Variants in DROSHA observed in about 807,000 individuals in gnomAD.
DROSHA encodes the protein drosha ribonuclease III, also known as ribonuclease 3.
In DROSHA, 56 loss-of-function variants were observed where a neutral mutation model predicts 181.9. The ratio of observed to expected loss-of-function variants is 0.31; its 90% CI spans 0.25 to 0.38. DROSHA has a LOEUF of 0.38. DROSHA is among the 10% of genes least tolerant of loss of function. DROSHA has a pLI of 1.00. For synonymous variants in DROSHA, 524 were observed against 591.2 expected, an observed-to-expected ratio of 0.89 and a Z score of 1.65; for missense variants, 1,218 against 1,743.5, an observed-to-expected ratio of 0.70 and a Z score of 5.37.
intron 14 of DROSHA, among the ~76,000 whole-genome samples, chr5:31,485,329 A>ACCCCCCCCCCCCCC (rs1751597426): frequency 1.3e-5 from 1 of 74,726 alleles, no homozygotes; most frequent in Admixed American, 1.3e-4. Context: ...CTTGTCCCCC[A>ACCCCCCCCCCCCCC]CCCCCGCCCC....
intron 10 of DROSHA, among the ~76,000 whole-genome samples, chr5:31,504,968 G>GA (rs1737734218): frequency 6.6e-6 from 1 of 152,150 alleles, no homozygotes; most frequent in African/African-American, 2.4e-5. Flanking sequence ...CAAGAAAAAT[G>GA]ACTCTTTCAC....
intron 20 of DROSHA, among the ~76,000 whole-genome samples, chr5:31,455,433 C>A (rs1747541959): frequency 6.6e-6 from 1 of 151,542 alleles, no homozygotes; most frequent in African/African-American, 2.4e-5. Context: ...ACGTGTAATA[C>A]AAGAAAAAGA....
At chr5:31,428,071 G>A (rs16901141) in intron 27 of DROSHA, among the ~76,000 whole-genome samples, 5,265 of 152,214 alleles carry the variant, frequency 0.035, 218 homozygotes, top group African/African-American at 0.1. Flanking sequence ...TGTATTAAAC[G>A]CTGCACATGC....
chr5:31,509,366 T>C (rs1362863354), intron 9 of DROSHA, among the ~76,000 whole-genome samples: 3 of 152,022 alleles, frequency 2.0e-5, no homozygotes, highest in African/African-American at 7.3e-5. Context: ...TGAAAAACCA[T>C]AGTAGTAGTA....
intron 11 of DROSHA, among the ~76,000 whole-genome samples, chr5:31,497,159 TGAG>T (rs1753083630): frequency 6.6e-6 from 1 of 152,184 alleles, no homozygotes; most frequent in South Asian, 2.1e-4. Context: ...AGCAGGCATC[TGAG>T]GGTAGAGCAC....
chr5:31,429,518 T>A lies in DROSHA; in HGVS notation c.3173A>T (p.Glu1058Val), dbSNP rs778714196. 30 of 1,612,218 alleles carry A rather than the reference T, an allele frequency of 1.9e-5. No individual in the cohort carries two copies. Among genetic ancestry groups the A allele is most frequent in the Non-Finnish European group, 2.5e-5 (29 of 1,178,946 alleles). ...IGAVYLEGSL[E>V]EAKQLFGRLL... ...GCGTCCAAATAACTGCTTGGCTTCC[T>A]CCAGGCTTCCCTCCAAGTAAACAGC... is the stretch of plus-strand genomic sequence containing the variant. The change falls in exon 27 of 36, where the codon GAG becomes GTG. Residue 1058 changes from glutamate to valine, a missense_variant. Physicochemically the swap from Glu to Val is moderately radical, Grantham distance 121. This residue lies in a region of DROSHA where 71 missense variants were observed against 95.2 expected (regional missense o/e 0.75). Coordinates refer to ENST00000344624, the MANE Select transcript of DROSHA (RefSeq NM_001382508.1).
In DROSHA at chr5:31,429,178, C is replaced by G. The variant is rs141158131; in HGVS notation, c.3216+297G>C. Among the ~76,000 whole-genome samples, 209 of 152,250 alleles carry G rather than the reference C, an allele frequency of 1.4e-3. 2 individuals are homozygous for G. Among genetic ancestry groups the G allele is most frequent in the African/African-American group, 4.6e-3 (193 of 41,548 alleles). ...TTCTAAAATATAAAATCATAATTAG[C>G]TTCAAGACACTTCAAAATGAAGCGA... On this transcript the variant is annotated intron_variant, in intron 27 of 35. Coordinates refer to ENST00000344624, the MANE Select transcript of DROSHA (RefSeq NM_001382508.1).
intron 19 of DROSHA, among the ~76,000 whole-genome samples, chr5:31,464,843 A>G (rs1201960373): frequency 6.6e-6 from 1 of 152,150 alleles, no homozygotes; most frequent in African/African-American, 2.4e-5. Flanking sequence ...CACCTGTGAG[A>G]CATGATTAGG....
intron 11 of DROSHA, among the ~76,000 whole-genome samples, chr5:31,501,365 T>A (rs1318448504): frequency 6.6e-6 from 1 of 152,020 alleles, no homozygotes; most frequent in Non-Finnish European, 1.5e-5. Flanking sequence ...TACACTAGAA[T>A]TGACATTCTT....
rs570472172 is a variant in DROSHA, at chr5:31,404,632, A to T, written c.3994+1045T>A. ...CACAGGTTCTGCTGTGCAGCACAACAGACCTCAGAAGAAAAATCCCTTGCA... is the reference window on the plus strand; with the variant it reads ...CACAGGTTCTGCTGTGCAGCACAACTGACCTCAGAAGAAAAATCCCTTGCA... On this transcript the variant is annotated intron_variant, in intron 35 of 35. Transcript: ENST00000344624. Among the ~76,000 whole-genome samples, 11 of 152,328 alleles carry T rather than the reference A, an allele frequency of 7.2e-5. No individual in the cohort carries two copies. In the South Asian group the frequency reaches 2.3e-3, roughly 32 times the overall value.
intron 5 of DROSHA, among the ~76,000 whole-genome samples, chr5:31,523,571 G>A (rs181448535): frequency 1.3e-5 from 2 of 152,302 alleles, no homozygotes; most frequent in Admixed American, 1.3e-4. Context: ...GCTGCAAAAT[G>A]TTTTCCCAGA....
intron 29 of DROSHA, 53 bp from the exon 30 acceptor site, chr5:31,421,430 A>C: frequency 2.2e-6 from 3 of 1,377,426 alleles, no homozygotes; most frequent in Non-Finnish European, 3.1e-6. Flanking sequence ...ATGGATTTCC[A>C]AAAAAACACC....
intron 11 of DROSHA, among the ~76,000 whole-genome samples, chr5:31,499,381 C>T (rs1345650369): frequency 6.6e-6 from 1 of 152,124 alleles, no homozygotes; most frequent in African/African-American, 2.4e-5. Context: ...CCCAATAAAA[C>T]AGCAAATAAG....
chr5:31,448,170 T>G (rs1459902629), intron 23 of DROSHA, among the ~76,000 whole-genome samples: 1 of 152,132 alleles, frequency 6.6e-6, no homozygotes, highest in African/African-American at 2.4e-5. Flanking sequence ...TATTTAGCAA[T>G]AAAAACAATG....
rs1362483875 is a variant in DROSHA at position 31,526,245 on chromosome 5, C to G, written c.688G>C (p.Asp230His). 1.2e-6 allele frequency: 2 copies of G among 1,613,730 alleles called. No homozygotes were observed. Among genetic ancestry groups the G allele is most frequent in the Non-Finnish European group, 1.7e-6 (2 of 1,179,870 alleles). Reference protein sequence around the residue: ...RSPERLKHYDDHRHRDHSHGR... With the variant: ...RSPERLKHYDHHRHRDHSHGR... ...TGACTGTGATCTCGGTGCCTGTGGTCATCATAGTGTTTCAGCCTTTCTGGG... is the reference window on the plus strand; with the variant it reads ...TGACTGTGATCTCGGTGCCTGTGGTGATCATAGTGTTTCAGCCTTTCTGGG... The change falls in exon 5 of 36, where the codon GAC becomes CAC. Residue 230 changes from aspartate (D) to histidine (H), a missense_variant. Asp to His is a moderately conservative substitution (Grantham distance 81). This residue lies in a region of DROSHA where 536 missense variants were observed against 535.4 expected (regional missense o/e 1.00). Coordinates refer to ENST00000344624, the MANE Select transcript of DROSHA (RefSeq NM_001382508.1).
At chr5:31,506,740 C>A (rs1029414535) in intron 10 of DROSHA, among the ~76,000 whole-genome samples, 1 of 151,742 alleles carries the variant, frequency 6.6e-6, no homozygotes, top group Non-Finnish European at 1.5e-5. Flanking sequence ...ACTCTTAATG[C>A]CAGTCATGAC....
At chr5:31,429,954 T>C (rs903494865) in intron 26 of DROSHA, among the ~76,000 whole-genome samples, 2 of 152,116 alleles carry the variant, frequency 1.3e-5, no homozygotes, top group African/African-American at 4.8e-5. Flanking sequence ...AAAAACCTGA[T>C]AGACAAAACC....
intron 20 of DROSHA, among the ~76,000 whole-genome samples, chr5:31,460,422 G>A (rs994076786): frequency 6.6e-6 from 1 of 152,122 alleles, no homozygotes; most frequent in East Asian, 1.9e-4. Context: ...TTCTCTGGTT[G>A]GGGAAAATGT....
chr5:31,462,039 T>C (rs1748466700), intron 20 of DROSHA, among the ~76,000 whole-genome samples: 1 of 152,142 alleles, frequency 6.6e-6, no homozygotes. Context: ...ACAGGGTTTT[T>C]TGGTTTTAAT....
Sources: allele counts gnomAD v4.1 joint callset (sites outside exome capture counted in the v4.1 genomes callset), GRCh38; gene constraint gnomAD v4.1.1; regional missense constraint gnomAD v4.1.1; transcripts MANE v1.5; gene names NCBI Gene and HGNC (gene_info 2026-07-23, HGNC 2026-07-21).